CRB1: variants seen among roughly 807,000 people sequenced by gnomAD.
CRB1 encodes the protein crumbs cell polarity complex component 1.
In CRB1, 83 loss-of-function variants were observed where a neutral mutation model predicts 120.0. The ratio of observed to expected loss-of-function variants is 0.69; its 90% CI spans 0.58 to 0.83. The LOEUF (loss-of-function observed/expected upper bound fraction) is 0.83. Among genes scored for constraint, CRB1 ranks in the 40% least tolerant of loss-of-function variants. The probability of loss-of-function intolerance (pLI) is 0.00; values close to 1 mark genes in which losing one functional copy is unlikely to be tolerated. For missense variants in CRB1, 1,699 were observed against 1,687.6 expected (o/e 1.01, Z -0.12); for synonymous variants, 625 against 612.5 (o/e 1.02, Z -0.30).
At chr1:197,286,441 G>T (rs947668229) in intron 1 of CRB1, among the ~76,000 whole-genome samples, 1 of 151,990 alleles carries the variant, frequency 6.6e-6, no homozygotes, top group African/African-American at 2.4e-5. Flanking sequence ...AAAACTTCTT[G>T]TTATTCCCAC....
At chr1:197,333,531 AG>A (rs755800649) in intron 2 of CRB1, among the ~76,000 whole-genome samples, 5 of 152,244 alleles carry the variant, frequency 3.3e-5, no homozygotes, top group Admixed American at 6.5e-5. Flanking sequence ...GTAAGAGGGC[AG>A]AGAAAGGCCA....
In CRB1 at chr1:197,478,319, T is replaced by C. The variant is rs1667290001; in HGVS notation, c.*440T>C. On this transcript the variant is annotated 3_prime_UTR_variant, in exon 12 of 12. Coordinates refer to ENST00000367400, the MANE Select transcript of CRB1 (RefSeq NM_201253.3). Reference sequence around the variant, plus strand: ...GCTACATTTCTCACTTCTCCTATCATGTGGTCAAAGTTATTGTTGTATACC... The same window carrying C: ...GCTACATTTCTCACTTCTCCTATCACGTGGTCAAAGTTATTGTTGTATACC... 2 of 248,430 alleles carry C rather than the reference T, an allele frequency of 8.1e-6. No homozygotes were observed. 15.4% of individuals were successfully genotyped at this position (248,430 alleles called of 1,614,324 possible). A position where few individuals can be genotyped will look rare whatever the true frequency, so the allele number is the denominator to read the frequency against.
At chr1:197,220,726 G>T in the CRB1 span, among the ~76,000 whole-genome samples, 1 of 152,298 alleles carries the variant, frequency 6.6e-6, no homozygotes, top group South Asian at 2.1e-4. Context: ...GGTGAGAGGT[G>T]ATTAGATCAT....
chr1:197,292,703 T>G (rs1448190896), intron 1 of CRB1, among the ~76,000 whole-genome samples: 1 of 152,132 alleles, frequency 6.6e-6, no homozygotes, highest in African/African-American at 2.4e-5. Flanking sequence ...ATCAAAAAGC[T>G]TATCCACCAT....
chr1:197,310,210 G>A (rs1280504484), intron 1 of CRB1, among the ~76,000 whole-genome samples: 1 of 152,054 alleles, frequency 6.6e-6, no homozygotes, highest in African/African-American at 2.4e-5. Flanking sequence ...GTTCAAGGAG[G>A]ATCCTGCCCT....
intron 4 of CRB1, among the ~76,000 whole-genome samples, chr1:197,352,614 T>C (rs1257959663): frequency 6.6e-6 from 1 of 152,056 alleles, no homozygotes; most frequent in African/African-American, 2.4e-5. Flanking sequence ...TAAGAGACTC[T>C]GAATGATCTT....
At chr1:197,414,021 A>G (rs1447742582) in intron 5 of CRB1, 1 of 448,150 alleles carries the variant, frequency 2.2e-6, no homozygotes, top group South Asian at 1.6e-5. Flanking sequence ...CTCTTCTTAT[A>G]TACGCTAATT....
chr1:197,210,516 T>C, the CRB1 span, among the ~76,000 whole-genome samples: 1 of 152,106 alleles, frequency 6.6e-6, no homozygotes. Flanking sequence ...GGATTTCCCA[T>C]CTGTGGACCT....
chr1:197,257,805 T>A, the CRB1 span, among the ~76,000 whole-genome samples: 1 of 152,196 alleles, frequency 6.6e-6, no homozygotes, highest in African/African-American at 2.4e-5. Flanking sequence ...GCCCTCCACC[T>A]ATTACTTATC....
rs1446146858 is a variant in CRB1, at chr1:197,477,805, C to T, written c.4147C>T (p.Arg1383Cys). The T allele has an allele frequency of 2.6e-5, 42 of 1,613,764 alleles. No individual in the cohort carries two copies. Among genetic ancestry groups the T allele is most frequent in the Non-Finnish European group, 3.2e-5 (38 of 1,179,872 alleles). ...RATQGTYSPS[R>C]QEKEGSRVEM... is the part of the protein sequence containing the mutation. ...AACTCAGGGAACCTACAGCCCCAGC[C>T]GTCAGGAGAAGGAGGGCTCCCGAGT... is the stretch of plus-strand genomic sequence containing the variant. The change falls in exon 12 of 12, where the codon CGT becomes TGT. Residue 1383 changes from arginine (R) to cysteine (C), a missense_variant. Physicochemically the swap from Arg to Cys is radical, Grantham distance 180. Transcript: ENST00000367400.
At chr1:197,248,600 A>G in the CRB1 span, among the ~76,000 whole-genome samples, 14 of 151,966 alleles carry the variant, frequency 9.2e-5, no homozygotes, top group Non-Finnish European at 1.9e-4. Flanking sequence ...TGTTTATTAT[A>G]ACAAAAACAT....
chr1:197,478,074 GCC>G lies in CRB1; in HGVS notation c.*196_*197del. The G allele has an allele frequency of 1.6e-6, 1 of 616,520 alleles. No individual in the cohort carries two copies. The highest frequency in any genetic ancestry group is 1.8e-5 in the African/African-American group (1 of 54,164). 38.2% of individuals were successfully genotyped at this position (616,520 alleles called of 1,614,324 possible). On this transcript the variant is annotated 3_prime_UTR_variant, in exon 12 of 12. Coordinates refer to ENST00000367400, the MANE Select transcript of CRB1 (RefSeq NM_201253.3). ...ACCATTGTTTTATTATATTATATCA[GCC>G]AATTGCAAAAAAAGTCTGTGCCAGT...
At position 197,415,711 on chromosome 1, in the gene CRB1, C is replaced by G. The variant is rs546735310; in HGVS notation, c.1172-5289C>G. 3.1e-5 allele frequency among the ~76,000 whole-genome samples: 4 copies of G among 131,064 alleles called. No homozygotes were observed. In the South Asian group the frequency reaches 7.3e-4, roughly 24 times the overall value. The allele number at this position is 131,064 out of a possible 152,430, so 86.0% of individuals were successfully genotyped here. A position where few individuals can be genotyped will look rare whatever the true frequency, so the allele number is the denominator to read the frequency against. The stretch of plus-strand genomic sequence containing the variant: ...AGGCTGGAGTGCAGTGGTTTGATCT[C>G]GGCTCACTGCGAGCTCCGCCTCCCG... On this transcript the variant is annotated intron_variant, in intron 5 of 11. Coordinates refer to ENST00000367400, the MANE Select transcript of CRB1 (RefSeq NM_201253.3).
chr1:197,326,645 A>G (rs998796284), intron 1 of CRB1, among the ~76,000 whole-genome samples: 4 of 151,782 alleles, frequency 2.6e-5, no homozygotes, highest in Admixed American at 1.3e-4. Flanking sequence ...TAATAATAAT[A>G]ATAATAAATA....
Position 197,428,566 on chromosome 1 carries a change from C to A in CRB1, c.2676+565C>A, listed in dbSNP as rs116484216. On this transcript the variant is annotated intron_variant, in intron 7 of 11. Coordinates refer to ENST00000367400, the MANE Select transcript of CRB1 (RefSeq NM_201253.3). ...AACTTGTCAGCTCTGCATGACCTTTCAAAGGAAAAAAAGGAAACGCATTTC... is the reference window on the plus strand; with the variant it reads ...AACTTGTCAGCTCTGCATGACCTTTAAAAGGAAAAAAAGGAAACGCATTTC... Among the ~76,000 whole-genome samples, 1,004 of 152,216 alleles carry A rather than the reference C, an allele frequency of 6.6e-3. 18 individuals carry two copies. The highest frequency in any genetic ancestry group is 0.023 in the African/African-American group (968 of 41,552).
At chr1:197,261,270 T>C in the CRB1 span, among the ~76,000 whole-genome samples, 1 of 152,236 alleles carries the variant, frequency 6.6e-6, no homozygotes, top group African/African-American at 2.4e-5. Flanking sequence ...GCATTTACCC[T>C]AGAGAAACTC....
chr1:197,293,040 T>C (rs1458050080), intron 1 of CRB1, among the ~76,000 whole-genome samples: 1 of 152,042 alleles, frequency 6.6e-6, no homozygotes, highest in Non-Finnish European at 1.5e-5. Flanking sequence ...CTTTTCAATA[T>C]AGTGTTGGAA....
chr1:197,416,943 C>A (rs1017456211), intron 5 of CRB1, among the ~76,000 whole-genome samples: 5 of 152,172 alleles, frequency 3.3e-5, no homozygotes, highest in African/African-American at 4.8e-5. Flanking sequence ...CTCCTGACCT[C>A]ATGATCCACC....
intron 5 of CRB1, among the ~76,000 whole-genome samples, chr1:197,396,723 C>G (rs1662790771): frequency 6.6e-6 from 1 of 152,084 alleles, no homozygotes; most frequent in Non-Finnish European, 1.5e-5. Flanking sequence ...AAAGGAAGTC[C>G]TCTCAACAAA....
Sources: allele counts gnomAD v4.1 joint callset (sites outside exome capture counted in the v4.1 genomes callset), GRCh38; gene constraint gnomAD v4.1.1; transcripts MANE v1.5; gene names NCBI Gene and HGNC (gene_info 2026-07-23, HGNC 2026-07-21).